The following DKK3 variants were observed in gnomAD, a reference collection of about 807,000 sequenced individuals.
DKK3 encodes dickkopf Wnt signaling pathway inhibitor 3.
Under a neutral mutation model 33.2 loss-of-function variants are expected in DKK3, and 22 were observed. The observed-to-expected ratio is 0.66, with a 90% CI of 0.47 to 0.95. The LOEUF (loss-of-function observed/expected upper bound fraction) is 0.95. DKK3 is among the 40% of genes least tolerant of loss of function. The probability of loss-of-function intolerance (pLI) is 0.00; values close to 1 mark genes in which losing one functional copy is unlikely to be tolerated. For missense variants in DKK3, 398 were observed against 458.4 expected, an observed-to-expected ratio of 0.87 and a Z score of 1.20; for synonymous variants, 194 against 188.8, an observed-to-expected ratio of 1.03 and a Z score of -0.23.
intron 3 of DKK3, among the ~76,000 whole-genome samples, chr11:11,968,978 G>A (rs994463972): frequency 3.3e-5 from 5 of 152,184 alleles, no homozygotes; most frequent in Admixed American, 2.0e-4. Context: ...CACAGAGAGC[G>A]CCCTCAGGGT....
At chr11:12,001,833 G>C (rs1448310976) in intron 2 of DKK3, 1 of 152,332 alleles carries the variant, frequency 6.6e-6, no homozygotes, top group African/African-American at 2.4e-5. Context: ...AGCAATAGAG[G>C]GTTTCTCTTT....
intron 3 of DKK3, chr11:11,979,130 C>G (rs1216028254): frequency 6.6e-6 from 1 of 152,382 alleles, no homozygotes; most frequent in Non-Finnish European, 1.5e-5. Flanking sequence ...AGACTCTCCC[C>G]AGCCTGACTT....
chr11:11,964,891 G>A (rs974596141), intron 6 of DKK3, among the ~76,000 whole-genome samples: 1 of 152,110 alleles, frequency 6.6e-6, no homozygotes, highest in South Asian at 2.1e-4. Context: ...ATGTGCTGGT[G>A]GGGGGCAGCT....
At chr11:11,965,749 C>T in intron 6 of DKK3, 60 bp downstream of exon 6, 1 of 1,580,624 alleles carries the variant, frequency 6.3e-7, no homozygotes, top group East Asian at 2.2e-5. Context: ...TCCTACGCCC[C>T]TGCTGGATGG....
intron 3 of DKK3, among the ~76,000 whole-genome samples, chr11:11,985,947 C>G (rs1848061320): frequency 6.6e-6 from 1 of 152,154 alleles, no homozygotes; most frequent in African/African-American, 2.4e-5. Context: ...TATGTTCTTT[C>G]TGGGGAAGGA....
intron 2 of DKK3, among the ~76,000 whole-genome samples, chr11:11,999,945 T>C (rs1204154116): frequency 6.6e-6 from 1 of 152,184 alleles, no homozygotes; most frequent in African/African-American, 2.4e-5. Context: ...CCTAAATAAT[T>C]CCTCTCCCCA....
chr11:12,005,846 T>C (rs981427707), intron 1 of DKK3, among the ~76,000 whole-genome samples: 2 of 152,224 alleles, frequency 1.3e-5, no homozygotes, highest in African/African-American at 4.8e-5. Context: ...CCACAGTCTA[T>C]AAACAATCTA....
intron 3 of DKK3, chr11:11,980,014 C>G (rs906552030): frequency 1.3e-5 from 2 of 152,278 alleles, no homozygotes; most frequent in African/African-American, 4.8e-5. Flanking sequence ...GTCCCAGTGA[C>G]CCGGGGAGAG....
At chr11:11,978,470 C>T (rs917118124) in intron 3 of DKK3, among the ~76,000 whole-genome samples, 1 of 129,744 alleles carries the variant, frequency 7.7e-6, no homozygotes, top group Non-Finnish European at 1.7e-5. Context: ...CCTTCCTCCA[C>T]TTCTTCTTTT....
At chr11:11,971,111 C>T (rs1219287616) in intron 3 of DKK3, among the ~76,000 whole-genome samples, 2 of 151,520 alleles carry the variant, frequency 1.3e-5, no homozygotes, top group Non-Finnish European at 2.9e-5. Flanking sequence ...CAATCATTTC[C>T]CTTCCTGGTG....
intron 6 of DKK3, among the ~76,000 whole-genome samples, chr11:11,964,971 T>A (rs1564904566): frequency 1.3e-5 from 2 of 152,082 alleles, no homozygotes; most frequent in Non-Finnish European, 1.5e-5. Context: ...AGGACCTGAG[T>A]GCTATGTAGC....
Position 11,998,678 on chromosome 11 carries a change from G to A in DKK3, c.435+18C>T. On this transcript the variant is annotated intron_variant, in intron 3 of 6. Transcript: ENST00000683431. ...GTGAGTGTGTCGGGGTGCAAGTACA[G>A]GGGAAATGACAACTTACGTGGCTCC... is the stretch of plus-strand genomic sequence containing the variant. 1 of 1,608,336 alleles carries A rather than the reference G, an allele frequency of 6.2e-7. No homozygotes were observed. Among genetic ancestry groups the A allele is most frequent in the Non-Finnish European group, 8.5e-7 (1 of 1,174,766 alleles).
At chr11:12,008,926 C>T (rs1156241765), upstream of DKK3, 4 of 1,047,512 alleles carry the variant, frequency 3.8e-6, no homozygotes, top group African/African-American at 1.7e-5. This position sits in a 1 kb window ranked among gnomAD's most constrained non-coding sequence, Gnocchi z 4.6. Flanking sequence ...ACGCTAATAG[C>T]TCCCAAGCCC....
upstream of DKK3, chr11:12,008,893 G>T: frequency 1.3e-5 from 14 of 1,106,032 alleles, no homozygotes; most frequent in Non-Finnish European, 1.5e-5. The surrounding 1 kb of genome is among the most constrained non-coding windows in gnomAD (Gnocchi z 4.6). Flanking sequence ...GCCCTCGCCA[G>T]AGCAACCGAA....
chr11:12,000,530 C>G (rs1206387883), intron 2 of DKK3, among the ~76,000 whole-genome samples: 1 of 145,670 alleles, frequency 6.9e-6, no homozygotes, highest in African/African-American at 2.6e-5. Flanking sequence ...TTTTTTTTGA[C>G]AGTCTCACTC....
At chr11:11,997,284 T>C (rs1327946973) in intron 3 of DKK3, among the ~76,000 whole-genome samples, 2 of 152,218 alleles carry the variant, frequency 1.3e-5, no homozygotes, top group Non-Finnish European at 2.9e-5. Flanking sequence ...CTGTGAGTTC[T>C]GCTTCCCCTG....
At chr11:11,986,460 T>C (rs79243824) in intron 3 of DKK3, among the ~76,000 whole-genome samples, 1,815 of 152,278 alleles carry the variant, frequency 0.012, 29 homozygotes, top group African/African-American at 0.041. Context: ...CTTCCACTGA[T>C]ATCTTCTCCC....
intron 3 of DKK3, among the ~76,000 whole-genome samples, chr11:11,997,723 A>G (rs556560173): frequency 6.6e-6 from 1 of 152,080 alleles, no homozygotes; most frequent in Non-Finnish European, 1.5e-5. Flanking sequence ...CTGGACCCCC[A>G]GCCTGCTGTA....
chr11:11,979,050 A>C (rs1847899032), intron 3 of DKK3: 1 of 152,250 alleles, frequency 6.6e-6, no homozygotes, highest in Admixed American at 6.5e-5. Context: ...CGGTAACAAG[A>C]GCAGCTACAG....
Sources: gnomAD v4.1 joint callset for allele counts (sites outside exome capture counted in the v4.1 genomes callset) on GRCh38, gnomAD v4.1.1 for gene constraint, Gnocchi (gnomAD v3.1) non-coding constraint, MANE v1.5 for transcripts, NCBI Gene and HGNC (gene_info 2026-07-23, HGNC 2026-07-21) for gene names.